Variants in PTPRQ observed in about 807,000 individuals in gnomAD.
PTPRQ encodes the protein phosphatidylinositol phosphatase PTPRQ.
In PTPRQ, 199 loss-of-function variants were observed where a neutral mutation model predicts 246.0. That is an observed-to-expected ratio of 0.81 (90% confidence interval 0.72 to 0.91). PTPRQ has a LOEUF of 0.91. Among genes scored for constraint, PTPRQ ranks in the 40% least tolerant of loss-of-function variants. The pLI is 0.00. For synonymous variants in PTPRQ, 869 were observed against 853.2 expected, an observed-to-expected ratio of 1.02 and a Z score of -0.32; for missense variants, 2,624 against 2,528.4, an observed-to-expected ratio of 1.04 and a Z score of -0.81.
chr12:80,451,126 A>G (rs1459166548), intron 3 of PTPRQ, among the ~76,000 whole-genome samples: 1 of 152,190 alleles, frequency 6.6e-6, no homozygotes, highest in Admixed American at 6.5e-5. Flanking sequence ...TGTGTCGAGG[A>G]ATTTATCCAT....
chr12:80,449,183 G>A (rs1341414958), intron 3 of PTPRQ, among the ~76,000 whole-genome samples: 1 of 151,422 alleles, frequency 6.6e-6, no homozygotes, highest in East Asian at 1.9e-4. Context: ...CTTTTGAGAA[G>A]TGTCTGTTCA....
At chr12:80,627,345 TATAATAATAATAATA>T (rs10646490) in intron 33 of PTPRQ, among the ~76,000 whole-genome samples, 31 of 143,314 alleles carry the variant, frequency 2.2e-4, no homozygotes, top group Non-Finnish European at 3.8e-4. Flanking sequence ...ACTCAATTTT[TATAATAATAATAATA>T]ATAATAATAA....
chr12:80,648,391 G>C (rs1900146851), intron 35 of PTPRQ, among the ~76,000 whole-genome samples: 1 of 151,742 alleles, frequency 6.6e-6, no homozygotes, highest in Admixed American at 6.6e-5. Context: ...ACAAAAGATA[G>C]GTCTAAAATA....
intron 35 of PTPRQ, among the ~76,000 whole-genome samples, chr12:80,639,679 A>C (rs1051786176): frequency 6.6e-6 from 1 of 152,248 alleles, no homozygotes; most frequent in Non-Finnish European, 1.5e-5. Context: ...CTGCTTAAAA[A>C]AATTCTACAT....
chr12:80,446,512 G>A (rs532082693), intron 3 of PTPRQ, among the ~76,000 whole-genome samples: 1 of 151,692 alleles, frequency 6.6e-6, no homozygotes, highest in South Asian at 2.1e-4. Flanking sequence ...GGTGGGGTTT[G>A]GGCTTCTAGT....
Position 80,495,035 on chromosome 12 carries a change from C to G in PTPRQ, c.1643C>G (p.Ala548Gly). The change falls in exon 11 of 45, where the codon GCT becomes GGT. Residue 548 changes from alanine (A) to glycine (G), a missense_variant. Transcript: ENST00000644991. ...ACTGAGCACATGATTAGTGTATCTG[C>G]TTTCACCATCATGGGAGAAGGACCA... ...PFTEHMISVS[A>G]FTIMGEGPPT... 1 of 1,550,536 alleles carries G rather than the reference C, an allele frequency of 6.4e-7. No homozygotes were observed. Among genetic ancestry groups the G allele is most frequent in the Non-Finnish European group, 8.7e-7 (1 of 1,146,246 alleles).
At chr12:80,524,087 C>T (rs1201747990) in intron 17 of PTPRQ, among the ~76,000 whole-genome samples, 5 of 152,166 alleles carry the variant, frequency 3.3e-5, no homozygotes, top group African/African-American at 1.2e-4. Context: ...GATAGCTCTT[C>T]TTGTTGAATT....
intron 6 of PTPRQ, 44 bp from the exon 7 acceptor site, chr12:80,468,666 A>C: frequency 6.8e-7 from 1 of 1,463,360 alleles, no homozygotes; most frequent in African/African-American, 1.4e-5. Flanking sequence ...GTGCGCTTTC[A>C]TTTTAAATAT....
intron 3 of PTPRQ, among the ~76,000 whole-genome samples, chr12:80,451,375 T>A (rs1353679103): frequency 1.0e-5 from 1 of 98,698 alleles, no homozygotes; most frequent in East Asian, 2.7e-4. Context: ...TGTCTCTATG[T>A]CCTTCAGTTC....
At chr12:80,521,390 G>T (rs535473386) in intron 17 of PTPRQ, among the ~76,000 whole-genome samples, 1 of 152,102 alleles carries the variant, frequency 6.6e-6, no homozygotes, top group South Asian at 2.1e-4. Flanking sequence ...GTCAATTTTG[G>T]CTTTGGTTGC....
intron 39 of PTPRQ, among the ~76,000 whole-genome samples, chr12:80,664,605 T>C (rs1047034177): frequency 6.6e-6 from 1 of 152,094 alleles, no homozygotes; most frequent in Non-Finnish European, 1.5e-5. Context: ...TCTACTTCTT[T>C]ATTGTTCTTT....
chr12:80,515,626 G>A (rs1049846508), intron 17 of PTPRQ, among the ~76,000 whole-genome samples: 3 of 151,518 alleles, frequency 2.0e-5, no homozygotes, highest in African/African-American at 4.8e-5. Context: ...TAGAGATGGG[G>A]TTTTGCCATG....
rs1288259850 is a variant in PTPRQ at position 80,541,820 on chromosome 12, G to C, written c.3420G>C (p.Gln1140His). Residue 1140 changes from glutamine (Q) to histidine (H), a missense_variant, in exon 21 of 45, where the codon CAG becomes CAC. Coordinates refer to ENST00000644991, the MANE Select transcript of PTPRQ (RefSeq NM_001145026.2). ...EKGFSDTYTAQLYIKTEEDVP... is the reference protein window; with the variant it reads ...EKGFSDTYTAHLYIKTEEDVP... ...GATTCTCTGATACCTATACTGCCCA[G>C]CTATACATCAAGACTGAAGAAGATG... 6.5e-7 allele frequency: 1 copy of C among 1,547,962 alleles called. No individual in the cohort carries two copies. The highest frequency in any genetic ancestry group is 1.2e-5 in the South Asian group (1 of 83,402).
At chr12:80,576,651 C>CT (rs1234655934) in intron 25 of PTPRQ, among the ~76,000 whole-genome samples, 185 of 146,074 alleles carry the variant, frequency 1.3e-3, no homozygotes, top group East Asian at 7.1e-3. Context: ...TTCTTCTGAC[C>CT]TTTTTTTTTT....
At chr12:80,632,134 G>A in intron 33 of PTPRQ, 58 bp from the exon 34 acceptor site, 1 of 1,507,720 alleles carries the variant, frequency 6.6e-7, no homozygotes, top group South Asian at 1.3e-5. Flanking sequence ...TGGTAGTTTG[G>A]GATTCAAAAT....
Position 80,588,184 on chromosome 12 carries a change from A to G in PTPRQ, c.4341A>G (p.Thr1447=). The change falls in exon 26 of 45, where the codon ACA becomes ACG. Residue 1447 remains threonine, a synonymous_variant. Transcript: ENST00000644991. ...CTGATGTTCAGTCAACTAGTGCAAC[A>G]TTGACATGGATAAGACCTGACACTA... ...AFSDVQSTSA[T]LTWIRPDTIL... 1 of 1,550,372 alleles carries G rather than the reference A, an allele frequency of 6.5e-7. No homozygotes were observed. Among genetic ancestry groups the G allele is most frequent in the African/African-American group, 1.4e-5 (1 of 73,162 alleles).
At chr12:80,588,523 T>C (rs1897691935) in intron 26 of PTPRQ, 71 bp downstream of exon 26, 5 of 1,310,722 alleles carry the variant, frequency 3.8e-6, no homozygotes, top group Non-Finnish European at 3.9e-6. Context: ...TTATGCTTTA[T>C]ACTTAATCTA....
chr12:80,625,283 G>T (rs1430704220), intron 33 of PTPRQ, among the ~76,000 whole-genome samples: 1 of 152,092 alleles, frequency 6.6e-6, no homozygotes, highest in African/African-American at 2.4e-5. Flanking sequence ...GCAGGCTAGG[G>T]ACTCAAACAT....
chr12:80,563,764 T>C (rs1309216601), intron 25 of PTPRQ, among the ~76,000 whole-genome samples: 1 of 152,130 alleles, frequency 6.6e-6, no homozygotes, highest in Non-Finnish European at 1.5e-5. Context: ...GATGTCCACA[T>C]GTTTTCCATT....
Sources: allele counts gnomAD v4.1 joint callset (sites outside exome capture counted in the v4.1 genomes callset), GRCh38; gene constraint gnomAD v4.1.1; transcripts MANE v1.5; gene names NCBI Gene and HGNC (gene_info 2026-07-23, HGNC 2026-07-21).